Variants in HNRNPK observed in about 807,000 individuals in gnomAD.
HNRNPK encodes heterogeneous nuclear ribonucleoprotein K.
In HNRNPK, 7 loss-of-function variants were observed where a neutral mutation model predicts 67.0. That is an observed-to-expected ratio of 0.10 (90% CI 0.06 to 0.20). The LOEUF is 0.20. Among genes scored for constraint, HNRNPK ranks in the 10% least tolerant of loss-of-function variants. The pLI, the probability that HNRNPK is intolerant of heterozygous loss-of-function variation, is 1.00. For missense variants in HNRNPK, 264 were observed against 606.5 expected, an observed-to-expected ratio of 0.44 and a Z score of 5.93; for synonymous variants, 213 against 193.7, an observed-to-expected ratio of 1.10 and a Z score of -0.83.
intron 3 of HNRNPK, 145 bp from the exon 4 acceptor site, chr9:83,977,931 C>G (rs1478930454): frequency 6.5e-6 from 4 of 616,984 alleles, no homozygotes; most frequent in Non-Finnish European, 8.5e-6. Flanking sequence ...ATGCTTCCAT[C>G]TAGTAAAATG....
intron 16 of HNRNPK, 46 bp downstream of exon 16, chr9:83,970,116 A>T (rs45547733): frequency 0.014 from 20,576 of 1,476,082 alleles, 187 homozygotes; most frequent in Non-Finnish European, 0.017. Context: ...AGCTTTTTAA[A>T]GGTTTTAGTA....
intron 13 of HNRNPK, 62 bp downstream of exon 13, chr9:83,971,211 G>T: frequency 8.8e-7 from 1 of 1,131,720 alleles, no homozygotes; most frequent in Non-Finnish European, 1.3e-6. Flanking sequence ...AAAACTTACT[G>T]GAGAGCAGGT....
In HNRNPK at chr9:83,977,885, G is replaced by C. The variant is rs1194224424; in HGVS notation, c.59-99C>G. 3.3e-5 allele frequency: 25 copies of C among 764,528 alleles called. No individual in the cohort carries two copies. The Admixed American group carries it at 5.9e-4, about 18-fold the overall frequency. 47.4% of individuals were successfully genotyped at this position (764,528 alleles called of 1,614,324 possible). A position where few individuals can be genotyped will look rare whatever the true frequency, so the allele number is the denominator to read the frequency against. On this transcript the variant is annotated intron_variant, in intron 3 of 16. Coordinates refer to ENST00000376263, the MANE Select transcript of HNRNPK (RefSeq NM_031263.4). Reference sequence around the variant, plus strand: ...TTGTTGCTAATCTTAGGCATGTTTTGAAAAGACCAAAGGCATTGCTACAGA... The same window carrying C: ...TTGTTGCTAATCTTAGGCATGTTTTCAAAAGACCAAAGGCATTGCTACAGA...
At position 83,976,700 on chromosome 9, in the gene HNRNPK, TAC is replaced by T. The variant is rs375985489; in HGVS notation, c.213+293_213+294del. 61 of 255,260 alleles carry T rather than the reference TAC, an allele frequency of 2.4e-4. No homozygotes were observed. In the South Asian group the frequency reaches 7.1e-3, roughly 30 times the overall value. 15.8% of individuals were successfully genotyped at this position (255,260 alleles called of 1,614,324 possible). A position where few individuals can be genotyped will look rare whatever the true frequency, so the allele number is the denominator to read the frequency against. On this transcript the variant is annotated intron_variant, in intron 5 of 16. Coordinates refer to ENST00000376263, the MANE Select transcript of HNRNPK (RefSeq NM_031263.4). ...AGGAAATGGTGCAATCAAGGATTTT[TAC>T]ACTTTGTCGCTATTTCTAATTAAGA...
rs1348454503 is a variant in HNRNPK at position 83,977,730 on chromosome 9, T to G, written c.115A>C (p.Thr39Pro). The change falls in exon 4 of 17, where the codon ACT (threonine) becomes CCT (proline). Residue 39 changes from threonine (T) to proline (P), a missense_variant. Thr to Pro is a conservative substitution (Grantham distance 38). This residue lies in a region of HNRNPK where 32 missense variants were observed against 45.6 expected (regional missense o/e 0.70). Coordinates refer to ENST00000376263, the MANE Select transcript of HNRNPK (RefSeq NM_031263.4). ...EEQAFKRSRN[T>P]DEMVELRILL... ...ATGCGTAATTCAACCATCTCATCAG[T>G]GTTTCTAGATCTTTTAAATGCTTGT... 6.2e-7 allele frequency: 1 copy of G among 1,609,442 alleles called. No individual in the cohort carries two copies. Among genetic ancestry groups the G allele is most frequent in the Non-Finnish European group, 8.5e-7 (1 of 1,176,882 alleles).
chr9:83,978,067 A>G, intron 3 of HNRNPK, 128 bp downstream of exon 3: 3 of 656,016 alleles, frequency 4.6e-6, no homozygotes. Flanking sequence ...GTAACTACTG[A>G]TAATCGCAGA....
rs777343786 is a variant in HNRNPK at position 83,971,361 on chromosome 9, T to TA, written c.1009-6dup. The TA allele has an allele frequency of 5.0e-6, 8 of 1,593,564 alleles. No homozygotes were observed. The highest frequency in any genetic ancestry group is 2.2e-5 in the East Asian group (1 of 44,786). On this transcript the variant is annotated splice_region_variant and splice_polypyrimidine_tract_variant and intron_variant, in intron 12 of 16. Coordinates refer to ENST00000376263, the MANE Select transcript of HNRNPK (RefSeq NM_031263.4). ...TTCATCAGCACTGAAACCAACCTGT[T>TA]AGAGATAAAAACATTAACATGAACC...
chr9:83,977,964 C>CA (rs1474780292), intron 3 of HNRNPK, among the ~76,000 whole-genome samples, 178 bp from the exon 4 acceptor site: 1 of 152,114 alleles, frequency 6.6e-6, no homozygotes, highest in African/African-American at 2.4e-5. Context: ...AATACTGCCA[C>CA]AAAATACTTC....
At chr9:83,974,405 A>G in intron 7 of HNRNPK, 112 bp downstream of exon 7, 1 of 552,504 alleles carries the variant, frequency 1.8e-6, no homozygotes. Flanking sequence ...AGATACTGCT[A>G]CAAACTGTCA....
chr9:83,976,853 G>T (rs9987602), intron 5 of HNRNPK, 142 bp downstream of exon 5: 2 of 528,854 alleles, frequency 3.8e-6, no homozygotes, highest in Non-Finnish European at 6.5e-6. Context: ...GGATAACTTC[G>T]AAATCAATTC....
chr9:83,973,581 C>T (rs1956949838), intron 8 of HNRNPK, among the ~76,000 whole-genome samples, 182 bp from the exon 9 acceptor site: 1 of 152,192 alleles, frequency 6.6e-6, no homozygotes, highest in African/African-American at 2.4e-5. Flanking sequence ...ACATTCTGCA[C>T]CACCTTAAAA....
chr9:83,975,805 A>G (rs1459041503), intron 5 of HNRNPK: 1 of 418,838 alleles, frequency 2.4e-6, no homozygotes, highest in Non-Finnish European at 4.4e-6. Context: ...AAACAAGCTT[A>G]AGTTGTTCTG....
rs1382531754 is a variant in HNRNPK at position 83,968,157 on chromosome 9, A to C, written c.*1250T>G. The C allele has an allele frequency of 2.0e-5, 3 of 152,730 alleles. No homozygotes were observed. Among genetic ancestry groups the C allele is most frequent in the African/African-American group, 7.2e-5 (3 of 41,562 alleles). 9.5% of individuals were successfully genotyped at this position (152,730 alleles called of 1,614,324 possible). A position where few individuals can be genotyped will look rare whatever the true frequency, so the allele number is the denominator to read the frequency against. The stretch of plus-strand genomic sequence containing the variant: ...TACAGGTGTCAATCAACCCTTGTTC[A>C]AATCGGGCACACATCAAATCTAGCA... On this transcript the variant is annotated 3_prime_UTR_variant, in exon 17 of 17. Transcript: ENST00000376263.
At chr9:83,974,374 A>G (rs898498409) in intron 7 of HNRNPK, 143 bp downstream of exon 7, 4 of 472,790 alleles carry the variant, frequency 8.5e-6, no homozygotes, top group African/African-American at 8.1e-5. Flanking sequence ...TTACGCATGT[A>G]CAAAATTATG....
Position 83,969,218 on chromosome 9 carries a change from A to G in HNRNPK, c.*189T>C, listed in dbSNP as rs1956712452. 3 of 653,934 alleles carry G rather than the reference A, an allele frequency of 4.6e-6. No individual in the cohort carries two copies. Among genetic ancestry groups the G allele is most frequent in the Non-Finnish European group, 8.2e-6 (3 of 363,714 alleles). 40.5% of individuals were successfully genotyped at this position (653,934 alleles called of 1,614,324 possible). On this transcript the variant is annotated 3_prime_UTR_variant, in exon 17 of 17. Coordinates refer to ENST00000376263, the MANE Select transcript of HNRNPK (RefSeq NM_031263.4). ...CCTGTTTGTAAGGAACTAAAACATT[A>G]CATCTGGTGAACAGCAAAGATTTCA...
At position 83,973,106 on chromosome 9, in the gene HNRNPK, TG is replaced by T; in HGVS notation, c.517-135del. The T allele has an allele frequency of 5.2e-6, 4 of 769,496 alleles. No individual in the cohort carries two copies. In the South Asian group the frequency reaches 7.5e-5, roughly 14 times the overall value. The allele number at this position is 769,496 out of a possible 1,614,324, so 47.7% of individuals were successfully genotyped here. On this transcript the variant is annotated intron_variant, in intron 9 of 16. Transcript: ENST00000376263. ...AACTTCATTAATTATCACAGGGCTTTGCAATGGTATAAAAATTTTGACAAAA... is the reference window on the plus strand; with the variant it reads ...AACTTCATTAATTATCACAGGGCTTTCAATGGTATAAAAATTTTGACAAAA...
Position 83,973,339 on chromosome 9 carries a change from G to A in HNRNPK, c.463C>T (p.Leu155=). ...TTGACCCCAATAATTCCTCCTGCTA[G>A]ACTCTGATGAATCAACAGCCTCAAC... The part of the protein sequence containing the change: ...CELRLLIHQS[L]AGGIIGVKGA... The change falls in exon 9 of 17, where the codon CTA becomes TTA. Residue 155 remains leucine, a synonymous_variant. Coordinates refer to ENST00000376263, the MANE Select transcript of HNRNPK (RefSeq NM_031263.4). 1 of 1,610,964 alleles carries A rather than the reference G, an allele frequency of 6.2e-7. No individual in the cohort carries two copies. The highest frequency in any genetic ancestry group is 8.5e-7 in the Non-Finnish European group (1 of 1,177,990).
chr9:83,973,007 TAGA>T, intron 9 of HNRNPK, 35 bp from the exon 10 acceptor site: 8 of 1,472,634 alleles, frequency 5.4e-6, no homozygotes, highest in Non-Finnish European at 7.4e-6. Context: ...TAATAATAAT[TAGA>T]AGAAAATTAG....
At chr9:83,980,343 AG>A, upstream of HNRNPK, 1 of 152,432 alleles carries the variant, frequency 6.6e-6, no homozygotes, top group African/African-American at 2.4e-5. Flanking sequence ...AAGGCGACGG[AG>A]GAGGCGACAA....
Sources: allele counts gnomAD v4.1 joint callset (sites outside exome capture counted in the v4.1 genomes callset), GRCh38; gene constraint gnomAD v4.1.1; regional missense constraint gnomAD v4.1.1; transcripts MANE v1.5; gene names NCBI Gene and HGNC (gene_info 2026-07-23, HGNC 2026-07-21).